The following RAP1GAP2 variants were observed in gnomAD, a reference collection of about 807,000 sequenced individuals.
The protein encoded by RAP1GAP2 is RAP1 GTPase activating protein 2, also known as rap1 GTPase-activating protein 2.
In RAP1GAP2, 27 loss-of-function variants were observed where a neutral mutation model predicts 95.0. The observed-to-expected ratio is 0.28, with a 90% CI of 0.21 to 0.39. The LOEUF (loss-of-function observed/expected upper bound fraction) is 0.39. Among genes scored for constraint, RAP1GAP2 ranks in the 10% least tolerant of loss-of-function variants. RAP1GAP2 has a pLI of 1.00. For synonymous variants in RAP1GAP2, 373 were observed against 380.9 expected (o/e 0.98, Z 0.24); for missense variants, 771 against 970.0 (o/e 0.79, Z 2.72).
At chr17:2,952,037 A>AAAAATAAAAT (rs4060866) in intron 3 of RAP1GAP2, among the ~76,000 whole-genome samples, 98 of 149,936 alleles carry the variant, frequency 6.5e-4, no homozygotes, top group Non-Finnish European at 9.3e-4. Context: ...GTGTCTCAGA[A>AAAAATAAAAT]AAAATAAAAT....
chr17:2,958,463 C>T (rs564806369), intron 4 of RAP1GAP2, among the ~76,000 whole-genome samples: 4 of 151,994 alleles, frequency 2.6e-5, no homozygotes, highest in African/African-American at 4.8e-5. Flanking sequence ...TTGACGTGGG[C>T]GGGAAGACTG....
chr17:2,814,741 CA>C (rs1268179821), intron 2 of RAP1GAP2, among the ~76,000 whole-genome samples: 1 of 152,168 alleles, frequency 6.6e-6, no homozygotes, highest in Non-Finnish European at 1.5e-5. Context: ...CCACCCCCCC[CA>C]ACCCCAACAC....
chr17:2,984,862 G>T, intron 10 of RAP1GAP2, 121 bp from the exon 11 acceptor site: 4 of 1,503,226 alleles, frequency 2.7e-6, no homozygotes, highest in Non-Finnish European at 2.7e-6. Flanking sequence ...CCGTGTATGT[G>T]GATGTTTCAT....
intron 3 of RAP1GAP2, among the ~76,000 whole-genome samples, chr17:2,924,380 C>T (rs2042887923): frequency 6.6e-6 from 1 of 152,144 alleles, no homozygotes; most frequent in African/African-American, 2.4e-5. Context: ...AATGACATGG[C>T]TGAGCTGATT....
At chr17:2,937,430 G>A (rs943148076) in intron 3 of RAP1GAP2, among the ~76,000 whole-genome samples, 1 of 152,176 alleles carries the variant, frequency 6.6e-6, no homozygotes, top group African/African-American at 2.4e-5. Flanking sequence ...GGCACGCCAC[G>A]TTCCTGAGGC....
intron 12 of RAP1GAP2, among the ~76,000 whole-genome samples, chr17:2,992,164 CT>C (rs11454789): frequency 1.5e-3 from 196 of 134,670 alleles, no homozygotes; most frequent in Admixed American, 2.0e-3. Flanking sequence ...ACAGTCTATG[CT>C]TTTTTTTTTT....
chr17:2,997,776 T>A (rs1282423477), intron 13 of RAP1GAP2, among the ~76,000 whole-genome samples: 3 of 151,472 alleles, frequency 2.0e-5, no homozygotes. Flanking sequence ...ATACAGAAAT[T>A]AGTGGGTGTA....
chr17:2,857,191 A>C lies in RAP1GAP2; in HGVS notation c.81-48093A>C, dbSNP rs2072178465. 6.6e-6 allele frequency among the ~76,000 whole-genome samples: 1 copy of C among 152,170 alleles called. No homozygotes were observed. Among genetic ancestry groups the C allele is most frequent in the Admixed American group, 6.5e-5 (1 of 15,268 alleles). ...TGATCCATCCATCGATCTTCCCAGC[A>C]CCTGTAATTGACAGGCTTGTGCAGA... On this transcript the variant is annotated intron_variant, in intron 2 of 24. Coordinates refer to ENST00000254695, the MANE Select transcript of RAP1GAP2 (RefSeq NM_015085.5). The surrounding 1 kb of genome is among the most constrained non-coding windows in gnomAD (Gnocchi z 4.0).
chr17:2,774,033 C>T (rs1266859511), upstream of RAP1GAP2, among the ~76,000 whole-genome samples: 1 of 152,136 alleles, frequency 6.6e-6, no homozygotes, highest in Non-Finnish European at 1.5e-5. Context: ...GCTGGGATTA[C>T]AGGCATGAGC....
chr17:2,785,481 T>C (rs2068750891), intron 1 of RAP1GAP2, among the ~76,000 whole-genome samples: 1 of 152,178 alleles, frequency 6.6e-6, no homozygotes, highest in Non-Finnish European at 1.5e-5. Flanking sequence ...AAGTGATAAT[T>C]ATAACATCAA....
At chr17:2,878,895 G>A (rs536797128) in intron 2 of RAP1GAP2, among the ~76,000 whole-genome samples, 13 of 152,360 alleles carry the variant, frequency 8.5e-5, no homozygotes, top group East Asian at 3.9e-4. Flanking sequence ...TTTCTCATCC[G>A]TGTGATGGGG....
chr17:2,909,242 C>A (rs570850186), intron 3 of RAP1GAP2, among the ~76,000 whole-genome samples: 1 of 152,100 alleles, frequency 6.6e-6, no homozygotes, highest in Admixed American at 6.6e-5. Flanking sequence ...AAGCATTTCA[C>A]GGTGGTGGGA....
chr17:2,953,203 C>CTTT (rs71153315), intron 3 of RAP1GAP2, among the ~76,000 whole-genome samples: 1 of 146,544 alleles, frequency 6.8e-6, no homozygotes, highest in African/African-American at 2.5e-5. Context: ...TATACAGTAT[C>CTTT]TTTTTTTTTT....
intron 4 of RAP1GAP2, among the ~76,000 whole-genome samples, chr17:2,960,647 C>A (rs67377315): frequency 0.13 from 19,122 of 152,178 alleles, 1,282 homozygotes; most frequent in South Asian, 0.19. Context: ...AGGCAAGCAG[C>A]CTCCTTCTGG....
chr17:2,961,714 A>G (rs12150253), intron 4 of RAP1GAP2, among the ~76,000 whole-genome samples: 50,069 of 151,796 alleles, frequency 0.33, 9,242 homozygotes, highest in African/African-American at 0.5. Flanking sequence ...GGCTCCAAGA[A>G]GCTACGCTTT....
intron 2 of RAP1GAP2, among the ~76,000 whole-genome samples, chr17:2,828,023 A>G (rs1335210978): frequency 6.6e-6 from 1 of 152,014 alleles, no homozygotes; most frequent in African/African-American, 2.4e-5. Context: ...GCACTTGACC[A>G]AAACTAGTTT....
intron 3 of RAP1GAP2, among the ~76,000 whole-genome samples, chr17:2,942,696 A>G (rs772073815): frequency 1.2e-4 from 18 of 152,150 alleles, no homozygotes; most frequent in Admixed American, 2.6e-4. Flanking sequence ...AATGATCTTA[A>G]AGTGAACAAC....
intron 1 of RAP1GAP2, among the ~76,000 whole-genome samples, chr17:2,759,941 G>T (rs1324132909): frequency 1.3e-5 from 2 of 152,106 alleles, no homozygotes; most frequent in African/African-American, 4.8e-5. Flanking sequence ...TATTGAAAAA[G>T]ATATTGCCAA....
At chr17:2,889,889 A>ATATATATTTTTTTTT (rs1408426152) in intron 2 of RAP1GAP2, among the ~76,000 whole-genome samples, 10 of 57,312 alleles carry the variant, frequency 1.7e-4, no homozygotes, top group African/African-American at 2.9e-4. Context: ...ATATATATAT[A>ATATATATTTTTTTTT]TTTTTTTTTT....
Sources: allele counts gnomAD v4.1 joint callset (sites outside exome capture counted in the v4.1 genomes callset), GRCh38; gene constraint gnomAD v4.1.1; non-coding constraint Gnocchi (gnomAD v3.1); transcripts MANE v1.5; gene names NCBI Gene and HGNC (gene_info 2026-07-23, HGNC 2026-07-21).